RASGEF1A: variants seen among roughly 807,000 people sequenced by gnomAD.
RASGEF1A encodes ras-GEF domain-containing family member 1A.
Under a neutral mutation model 56.4 loss-of-function variants are expected in RASGEF1A, and 18 were observed. That is an observed-to-expected ratio of 0.32 (90% CI 0.22 to 0.47). The LOEUF (loss-of-function observed/expected upper bound fraction) is 0.47. RASGEF1A is among the 20% of genes least tolerant of loss of function. The probability of loss-of-function intolerance (pLI) is 1.00; values close to 1 mark genes in which losing one functional copy is unlikely to be tolerated. For synonymous variants in RASGEF1A, 245 were observed against 242.6 expected (o/e 1.01, Z -0.09); for missense variants, 422 against 627.1 (o/e 0.67, Z 3.49).
At chr10:43,229,665 G>C in intron 1 of RASGEF1A, 1 of 1,490,446 alleles carries the variant, frequency 6.7e-7, no homozygotes, top group Non-Finnish European at 8.9e-7. Flanking sequence ...TCTGGCCGCC[G>C]GCTCCCCGCG....
At chr10:43,243,198 G>A (rs1183222623) in intron 1 of RASGEF1A, among the ~76,000 whole-genome samples, 2 of 149,642 alleles carry the variant, frequency 1.3e-5, no homozygotes, top group Admixed American at 1.3e-4. Flanking sequence ...CGTCTGGGAA[G>A]TGAGGAGTGC....
intron 1 of RASGEF1A, among the ~76,000 whole-genome samples, chr10:43,219,508 G>A (rs1840179396): frequency 6.6e-6 from 1 of 152,202 alleles, no homozygotes; most frequent in African/African-American, 2.4e-5. Flanking sequence ...ATCAGTTCTG[G>A]GCAGTGGCCA....
intron 2 of RASGEF1A, chr10:43,203,849 T>G: frequency 1.5e-5 from 12 of 788,742 alleles, no homozygotes; most frequent in Non-Finnish European, 1.5e-5. Context: ...GCAGGGAGGT[T>G]GGCACAGGAG....
chr10:43,207,017 G>A, intron 1 of RASGEF1A: 1 of 985,594 alleles, frequency 1.0e-6, no homozygotes, highest in Non-Finnish European at 1.2e-6. Context: ...TTCTTGTGAA[G>A]CCTAGGGGAG....
chr10:43,256,812 T>G (rs1211103401), intron 1 of RASGEF1A, among the ~76,000 whole-genome samples: 1 of 152,160 alleles, frequency 6.6e-6, no homozygotes, highest in South Asian at 2.1e-4. Context: ...TCCCCGACTT[T>G]CTTGCCATTC....
At chr10:43,208,018 C>T (rs933613071) in intron 1 of RASGEF1A, 8 of 981,816 alleles carry the variant, frequency 8.1e-6, no homozygotes, top group African/African-American at 1.7e-5. Context: ...TATCGCTGGC[C>T]CAGGGTGGCA....
At chr10:43,252,360 G>A (rs1379144981) in intron 1 of RASGEF1A, among the ~76,000 whole-genome samples, 4 of 152,200 alleles carry the variant, frequency 2.6e-5, no homozygotes, top group African/African-American at 9.6e-5. Context: ...TAGGTGGGCA[G>A]GGGAACCAGG....
At chr10:43,214,984 C>T (rs576528920) in intron 1 of RASGEF1A, among the ~76,000 whole-genome samples, 1 of 152,222 alleles carries the variant, frequency 6.6e-6, no homozygotes, top group Non-Finnish European at 1.5e-5. Flanking sequence ...TGCTGTTCCT[C>T]GGACCTCAGC....
At chr10:43,240,454 T>C (rs150700708) in intron 1 of RASGEF1A, among the ~76,000 whole-genome samples, 3 of 152,120 alleles carry the variant, frequency 2.0e-5, no homozygotes, top group African/African-American at 4.8e-5. Context: ...ACTGAAGGAA[T>C]TGATGTTTAA....
intron 9 of RASGEF1A, among the ~76,000 whole-genome samples, chr10:43,198,424 C>T (rs917843329): frequency 2.0e-5 from 3 of 152,234 alleles, no homozygotes; most frequent in South Asian, 2.1e-4. Flanking sequence ...AGAAGTGTCA[C>T]TGCCCTGCCT....
At chr10:43,230,105 C>T (rs958734223) in intron 1 of RASGEF1A, among the ~76,000 whole-genome samples, 2 of 152,218 alleles carry the variant, frequency 1.3e-5, no homozygotes, top group East Asian at 3.9e-4. Flanking sequence ...CGGGGCTCGG[C>T]GCGGGAAGGG....
intron 1 of RASGEF1A, among the ~76,000 whole-genome samples, chr10:43,216,154 C>A (rs1174054710): frequency 6.6e-6 from 1 of 152,188 alleles, no homozygotes; most frequent in African/African-American, 2.4e-5. Context: ...TGCCAGGCTG[C>A]CCCCCAACCT....
intron 1 of RASGEF1A, among the ~76,000 whole-genome samples, chr10:43,258,386 G>A (rs1408723205): frequency 1.3e-5 from 2 of 152,166 alleles, no homozygotes; most frequent in African/African-American, 4.8e-5. Context: ...GCAGCAGGAG[G>A]GTGAAGTCTA....
At chr10:43,231,120 C>T (rs574048725) in intron 1 of RASGEF1A, among the ~76,000 whole-genome samples, 19 of 152,240 alleles carry the variant, frequency 1.2e-4, no homozygotes, top group Non-Finnish European at 2.5e-4. Flanking sequence ...GGCACAGTGG[C>T]CCTCCAGCTT....
At chr10:43,222,630 C>T (rs1840223243) in intron 1 of RASGEF1A, among the ~76,000 whole-genome samples, 1 of 152,248 alleles carries the variant, frequency 6.6e-6, no homozygotes, top group South Asian at 2.1e-4. Context: ...AGCATCCCTT[C>T]CTCTTACTGT....
intron 1 of RASGEF1A, among the ~76,000 whole-genome samples, chr10:43,232,539 T>C (rs1270008008): frequency 7.0e-6 from 1 of 142,890 alleles, no homozygotes; most frequent in Non-Finnish European, 1.5e-5. Context: ...CAGGCTGGAG[T>C]GCAGTGACAT....
intron 2 of RASGEF1A, 26 bp downstream of exon 2, chr10:43,205,893 C>G (rs1382199042): frequency 6.3e-7 from 1 of 1,585,890 alleles, no homozygotes; most frequent in Admixed American, 1.7e-5. Context: ...CCATTAGTCT[C>G]ACTCCACAAG....
intron 1 of RASGEF1A, among the ~76,000 whole-genome samples, chr10:43,234,049 C>T (rs1840403012): frequency 6.6e-6 from 1 of 152,140 alleles, no homozygotes; most frequent in South Asian, 2.1e-4. Context: ...GCACCCTCAC[C>T]CCCAGAGGTC....
intron 1 of RASGEF1A, among the ~76,000 whole-genome samples, chr10:43,233,586 C>A (rs1393843600): frequency 6.6e-6 from 1 of 152,178 alleles, no homozygotes; most frequent in East Asian, 1.9e-4. Flanking sequence ...CCTGCACACC[C>A]AGCAGCAAGG....
Sources: allele counts gnomAD v4.1 joint callset (sites outside exome capture counted in the v4.1 genomes callset), GRCh38; gene constraint gnomAD v4.1.1; transcripts MANE v1.5; gene names NCBI Gene and HGNC (gene_info 2026-07-23, HGNC 2026-07-21).